The following B3GALT2 variants were observed in gnomAD, a reference collection of about 807,000 sequenced individuals.
B3GALT2 encodes UDP-Gal:betaGlcNAc beta 1,3-galactosyltransferase, polypeptide 2.
A neutral mutation model predicts 33.5 loss-of-function variants in B3GALT2; 13 were observed. That is an observed-to-expected ratio of 0.39 (90% CI 0.25 to 0.62). B3GALT2 has a LOEUF of 0.62. Among genes scored for constraint, B3GALT2 ranks in the 20% least tolerant of loss-of-function variants. B3GALT2 has a pLI of 0.53. For missense variants in B3GALT2, 418 were observed against 509.1 expected, an observed-to-expected ratio of 0.82 and a Z score of 1.72; for synonymous variants, 195 against 172.7, an observed-to-expected ratio of 1.13 and a Z score of -1.01.
In B3GALT2 at chr1:193,179,772, T is replaced by A. The variant is rs541169853; in HGVS notation, c.*522A>T. The A allele has an allele frequency of 6.5e-6, 1 of 152,726 alleles. No homozygotes were observed. Among genetic ancestry groups the A allele is most frequent in the South Asian group, 2.1e-4 (1 of 4,830 alleles). 9.5% of individuals were successfully genotyped at this position (152,726 alleles called of 1,614,324 possible). On this transcript the variant is annotated 3_prime_UTR_variant, in exon 2 of 2. Coordinates refer to ENST00000367434, the MANE Select transcript of B3GALT2 (RefSeq NM_003783.3). ...CTGCATTGATGAAACATCTGAACTTTATAATGTGTTTGTGGAATAACTCAA... is the reference window on the plus strand; with the variant it reads ...CTGCATTGATGAAACATCTGAACTTAATAATGTGTTTGTGGAATAACTCAA...
chr1:193,182,822 G>A (rs1407708136), intron 1 of B3GALT2, among the ~76,000 whole-genome samples: 5 of 151,966 alleles, frequency 3.3e-5, no homozygotes, highest in African/African-American at 9.7e-5. Flanking sequence ...TGGGCAAAGA[G>A]GTATAGTTTG....
chr1:193,184,413 G>A (rs991273898), intron 1 of B3GALT2, among the ~76,000 whole-genome samples: 2 of 151,856 alleles, frequency 1.3e-5, no homozygotes, highest in African/African-American at 4.8e-5. Context: ...TCAGTAGTAT[G>A]CAAAATAGTT....
chr1:193,186,140 C>T lies in B3GALT2; in HGVS notation c.-242G>A, dbSNP rs1333981092. 6.5e-6 allele frequency: 1 copy of T among 153,188 alleles called. No homozygotes were observed. The highest frequency in any genetic ancestry group is 2.4e-5 in the African/African-American group (1 of 41,430). The allele number at this position is 153,188 out of a possible 1,614,324, so 9.5% of individuals were successfully genotyped here. ...CGCACATCCCCCAACAGTCTGCCTC[C>T]TGCGATTGCTTTTCACAGTATCCAA... On this transcript the variant is annotated 5_prime_UTR_variant, in exon 1 of 2. Coordinates refer to ENST00000367434, the MANE Select transcript of B3GALT2 (RefSeq NM_003783.3).
rs1676684110 is a variant in B3GALT2, at chr1:193,180,038, T to C, written c.*256A>G. 3.5e-6 allele frequency: 1 copy of C among 285,696 alleles called. No homozygotes were observed. Among genetic ancestry groups the C allele is most frequent in the South Asian group, 1.4e-4 (1 of 7,120 alleles). The allele number at this position is 285,696 out of a possible 1,614,324, so 17.7% of individuals were successfully genotyped here. A position where few individuals can be genotyped will look rare whatever the true frequency, so the allele number is the denominator to read the frequency against. ...ACAGAAGACTTGAACCATTGATTTA[T>C]GCATGCTTGTTATTGCATGTTAATA... is the stretch of plus-strand genomic sequence containing the variant. On this transcript the variant is annotated 3_prime_UTR_variant, in exon 2 of 2. Transcript: ENST00000367434.
Position 193,185,789 on chromosome 1 carries a change from C to T in B3GALT2, c.-121+230G>A, listed in dbSNP as rs191968912. Among the ~76,000 whole-genome samples, 32 of 152,152 alleles carry T rather than the reference C, an allele frequency of 2.1e-4. No homozygotes were observed. The East Asian group carries it at 6.0e-3, about 28-fold the overall frequency. The stretch of plus-strand genomic sequence containing the variant: ...CACATCTTCTTCTTATTTGCCTTTT[C>T]CCTCTGATGTCTATTACCCAGAATT... On this transcript the variant is annotated intron_variant, in intron 1 of 1. Transcript: ENST00000367434.
Position 193,180,316 on chromosome 1 carries a change from T to C in B3GALT2, c.1247A>G (p.Tyr416Cys). 1 of 1,582,824 alleles carries C rather than the reference T, an allele frequency of 6.3e-7. No individual in the cohort carries two copies. Among genetic ancestry groups the C allele is most frequent in the Non-Finnish European group, 8.6e-7 (1 of 1,165,360 alleles). Residue 416 changes from tyrosine (Y) to cysteine (C), a missense_variant, in exon 2 of 2, where the codon TAT becomes TGT. Physicochemically the swap from Tyr to Cys is radical, Grantham distance 194. Transcript: ENST00000367434. ...ANAAKEKAGR[Y>C]RHRKLH ...TTTCTAATGTAGTTTACGGTGGCGA[T>C]ACCTGCCTGCCTTTTCTTTTGCTGC...
intron 1 of B3GALT2, among the ~76,000 whole-genome samples, chr1:193,182,237 A>T (rs1373151146): frequency 1.3e-5 from 2 of 152,110 alleles, no homozygotes; most frequent in African/African-American, 4.8e-5. Context: ...TGAGAAAGTC[A>T]ATGAGAAGAT....
rs1326086180 is a variant in B3GALT2, at chr1:193,180,530, C to T, written c.1033G>A (p.Gly345Arg). ...RRLHLEDVYVGICLAKLRIDP... is the reference protein window; with the variant it reads ...RRLHLEDVYVRICLAKLRIDP... Reference sequence around the variant, plus strand: ...ATTCTCAACTTGGCAAGACAGATCCCTACATATACATCTTCCAAGTGCAAA... The same window carrying T: ...ATTCTCAACTTGGCAAGACAGATCCTTACATATACATCTTCCAAGTGCAAA... The change falls in exon 2 of 2, where the codon GGG becomes AGG. Residue 345 changes from glycine to arginine, a missense_variant. Coordinates refer to ENST00000367434, the MANE Select transcript of B3GALT2 (RefSeq NM_003783.3). 1 of 1,614,086 alleles carries T rather than the reference C, an allele frequency of 6.2e-7. No homozygotes were observed. The highest frequency in any genetic ancestry group is 2.2e-5 in the East Asian group (1 of 44,886).
rs1676719660 is a variant in B3GALT2, at chr1:193,181,680, A to C, written c.-118T>G. The C allele has an allele frequency of 1.0e-6, 1 of 1,003,212 alleles. No homozygotes were observed. Among genetic ancestry groups the C allele is most frequent in the Non-Finnish European group, 1.4e-6 (1 of 701,064 alleles). The allele number at this position is 1,003,212 out of a possible 1,614,324, so 62.1% of individuals were successfully genotyped here. A position where few individuals can be genotyped will look rare whatever the true frequency, so the allele number is the denominator to read the frequency against. On this transcript the variant is annotated splice_region_variant and 5_prime_UTR_variant, in exon 2 of 2. An upstream start codon of the reference 5' UTR is lost. Coordinates refer to ENST00000367434, the MANE Select transcript of B3GALT2 (RefSeq NM_003783.3). ...CAGTCACATTGTCTCTCTTGTAGTCATTCTATAAAAATGAAGCACAAAAGT... is the reference window on the plus strand; with the variant it reads ...CAGTCACATTGTCTCTCTTGTAGTCCTTCTATAAAAATGAAGCACAAAAGT...
rs1455792183 is a variant in B3GALT2, at chr1:193,178,811, C to G, written c.*1483G>C. Among the ~76,000 whole-genome samples, 1 of 152,070 alleles carries G rather than the reference C, an allele frequency of 6.6e-6. No individual in the cohort carries two copies. Among genetic ancestry groups the G allele is most frequent in the Non-Finnish European group, 1.5e-5 (1 of 67,996 alleles). On this transcript the variant is annotated 3_prime_UTR_variant, in exon 2 of 2. Transcript: ENST00000367434. ...AGCACTTAAACAGTTTTAGTGTTTT[C>G]AAGTTTCACAAATGTTACAATTCTC...
intron 1 of B3GALT2, among the ~76,000 whole-genome samples, chr1:193,184,866 T>A (rs1676778417): frequency 1.3e-5 from 2 of 151,988 alleles, no homozygotes; most frequent in African/African-American, 4.8e-5. Context: ...TACTTACATA[T>A]TTTTAAAAAA....
intron 1 of B3GALT2, among the ~76,000 whole-genome samples, chr1:193,185,596 A>G (rs1308391912): frequency 6.6e-6 from 1 of 152,060 alleles, no homozygotes; most frequent in African/African-American, 2.4e-5. Context: ...CCTTGCTACT[A>G]TTTAATGAAA....
chr1:193,184,053 A>T (rs1279111061), intron 1 of B3GALT2, among the ~76,000 whole-genome samples: 1 of 151,870 alleles, frequency 6.6e-6, no homozygotes, highest in African/African-American at 2.4e-5. Context: ...ATTATTGCAT[A>T]TTGTAATGTA....
rs1676719749 is a variant in B3GALT2, at chr1:193,181,688, A to G, written c.-120-6T>C. 3.2e-6 allele frequency: 3 copies of G among 936,606 alleles called. No individual in the cohort carries two copies. Among genetic ancestry groups the G allele is most frequent in the Non-Finnish European group, 3.1e-6 (2 of 642,872 alleles). 58.0% of individuals were successfully genotyped at this position (936,606 alleles called of 1,614,324 possible). On this transcript the variant is annotated splice_region_variant and splice_polypyrimidine_tract_variant and intron_variant, in intron 1 of 1. Coordinates refer to ENST00000367434, the MANE Select transcript of B3GALT2 (RefSeq NM_003783.3). Reference sequence around the variant, plus strand: ...TTGTCTCTCTTGTAGTCATTCTATAAAAATGAAGCACAAAAGTTTACAGAA... The same window carrying G: ...TTGTCTCTCTTGTAGTCATTCTATAGAAATGAAGCACAAAAGTTTACAGAA...
intron 1 of B3GALT2, among the ~76,000 whole-genome samples, chr1:193,183,041 A>G (rs1676745024): frequency 6.6e-6 from 1 of 152,052 alleles, no homozygotes; most frequent in South Asian, 2.1e-4. Context: ...CATGGTTAAT[A>G]TTAAATTTGT....
rs780213000 is a variant in B3GALT2, at chr1:193,180,506, T to G, written c.1057A>C (p.Ile353Leu). The change falls in exon 2 of 2, where the codon ATT becomes CTT. Residue 353 changes from isoleucine to leucine, a missense_variant. Physicochemically the swap from Ile to Leu is conservative, Grantham distance 5. Around this residue, in one of 3 missense-constraint regions of B3GALT2, gnomAD observed 226 missense variants for 293.9 expected, o/e 0.77. Transcript: ENST00000367434. ...YVGICLAKLR[I>L]DPVPPPNEFV... Reference sequence around the variant, plus strand: ...TCATTGGGAGGGGGTACAGGATCAATTCTCAACTTGGCAAGACAGATCCCT... The same window carrying G: ...TCATTGGGAGGGGGTACAGGATCAAGTCTCAACTTGGCAAGACAGATCCCT... 3.1e-6 allele frequency: 5 copies of G among 1,614,046 alleles called. No homozygotes were observed. Among genetic ancestry groups the G allele is most frequent in the Non-Finnish European group, 4.2e-6 (5 of 1,179,936 alleles).
rs752581247 is a variant in B3GALT2 at position 193,181,347 on chromosome 1, A to T, written c.216T>A (p.Ser72Arg). Residue 72 changes from serine to arginine, a missense_variant, in exon 2 of 2, where the codon AGT (serine) becomes AGA (arginine). Physicochemically the swap from Ser to Arg is moderately radical, Grantham distance 110. Transcript: ENST00000367434. ...TCCGAAGGGAGCTGTGGTTTGTCTC[A>T]CTTTTTGTTGACCGAAATCCTCGGA... Reference protein sequence around the residue: ...YTFRGFRSTKSETNHSSLRNI... With the variant: ...YTFRGFRSTKRETNHSSLRNI... 1.2e-6 allele frequency: 2 copies of T among 1,614,022 alleles called. No individual in the cohort carries two copies. Among genetic ancestry groups the T allele is most frequent in the South Asian group, 1.1e-5 (1 of 91,080 alleles).
Position 193,180,638 on chromosome 1 carries a change from G to A in B3GALT2, c.925C>T (p.Pro309Ser). The stretch of plus-strand genomic sequence containing the variant: ...TAACCAGTTCCAGAACAGAAGACAG[G>A]ATAACGCTCACTTGGGTAGAGGTCT... ...PPDLYPSERY[P>S]VFCSGTGYVF... The change falls in exon 2 of 2, where the codon CCT (proline) becomes TCT (serine). Residue 309 changes from proline to serine, a missense_variant. By Grantham distance (74) the Pro-to-Ser change is moderately conservative. Transcript: ENST00000367434. 6.2e-7 allele frequency: 1 copy of A among 1,614,090 alleles called. No homozygotes were observed. The highest frequency in any genetic ancestry group is 8.5e-7 in the Non-Finnish European group (1 of 1,179,956).
chr1:193,178,800 T>G lies in B3GALT2; in HGVS notation c.*1494A>C, dbSNP rs1291351742. On this transcript the variant is annotated 3_prime_UTR_variant, in exon 2 of 2. Coordinates refer to ENST00000367434, the MANE Select transcript of B3GALT2 (RefSeq NM_003783.3). The stretch of plus-strand genomic sequence containing the variant: ...AAATGGAGATAAGCACTTAAACAGT[T>G]TTAGTGTTTTCAAGTTTCACAAATG... Among the ~76,000 whole-genome samples, 1 of 152,184 alleles carries G rather than the reference T, an allele frequency of 6.6e-6. No individual in the cohort carries two copies. The highest frequency in any genetic ancestry group is 1.5e-5 in the Non-Finnish European group (1 of 68,016).
Sources: gnomAD v4.1 joint callset for allele counts (sites outside exome capture counted in the v4.1 genomes callset) on GRCh38, gnomAD v4.1.1 for gene constraint, gnomAD v4.1.1 regional missense constraint, MANE v1.5 for transcripts, NCBI Gene and HGNC (gene_info 2026-07-23, HGNC 2026-07-21) for gene names.